Variants in HNRNPLL observed in about 807,000 individuals in gnomAD.
HNRNPLL encodes heterogeneous nuclear ribonucleoprotein L like.
A neutral mutation model predicts 67.1 loss-of-function variants in HNRNPLL; 25 were observed. The ratio of observed to expected loss-of-function variants is 0.37; its 90% CI spans 0.27 to 0.52. HNRNPLL has a LOEUF of 0.52. HNRNPLL is among the 20% of genes least tolerant of loss of function. The pLI is 0.90. For synonymous variants in HNRNPLL, 267 were observed against 241.7 expected, an observed-to-expected ratio of 1.10 and a Z score of -0.97; for missense variants, 542 against 673.9, an observed-to-expected ratio of 0.80 and a Z score of 2.17.
rs760814807 is a variant in HNRNPLL, at chr2:38,569,172, A to G, written c.1377T>C (p.Tyr459=). Residue 459 remains tyrosine, a synonymous_variant, in exon 10 of 13, where the codon TAT becomes TAC. Coordinates refer to ENST00000449105, the MANE Select transcript of HNRNPLL (RefSeq NM_138394.4). The part of the protein sequence containing the change: ...IQPPSCVLHY[Y]NVPLCVTEET... ...CTTCTGTGACACACAATGGAACATT[A>G]TAATAATGCAAAACACAGGAGGGTG... 1 of 1,612,928 alleles carries G rather than the reference A, an allele frequency of 6.2e-7. No homozygotes were observed. Among genetic ancestry groups the G allele is most frequent in the East Asian group, 2.2e-5 (1 of 44,854 alleles).
chr2:38,601,743 A>G (rs964234035), intron 1 of HNRNPLL: 2 of 152,160 alleles, frequency 1.3e-5, no homozygotes, highest in Non-Finnish European at 2.9e-5. Flanking sequence ...TAATTTTAAG[A>G]TTTGTTTTAC....
At chr2:38,595,566 C>T (rs553745212) in intron 1 of HNRNPLL, among the ~76,000 whole-genome samples, 10 of 152,218 alleles carry the variant, frequency 6.6e-5, no homozygotes, top group South Asian at 2.1e-4. Context: ...CAATGTGGGC[C>T]GGGCGCAGTG....
Position 38,581,923 on chromosome 2 carries a change from C to A in HNRNPLL, c.792G>T (p.Leu264Phe), listed in dbSNP as rs1181435907. 6.2e-7 allele frequency: 1 copy of A among 1,608,714 alleles called. No individual in the cohort carries two copies. Among genetic ancestry groups the A allele is most frequent in the Non-Finnish European group, 8.5e-7 (1 of 1,175,232 alleles). The change falls in exon 6 of 13, where the codon TTG becomes TTT. Residue 264 changes from leucine (L) to phenylalanine (F), a missense_variant. Physicochemically the swap from Leu to Phe is conservative, Grantham distance 22. Transcript: ENST00000449105. ...NDSWDYTKPY[L>F]GRRDRGKGRQ... is the part of the protein sequence containing the mutation. ...GTATAAAATACCTACCTCGTCTTCC[C>A]AAATATGGTTTAGTGTAGTCCCAAC... is the stretch of plus-strand genomic sequence containing the variant.
At chr2:38,568,476 T>G (rs755767367) in intron 10 of HNRNPLL, 33 bp from the exon 11 acceptor site, 2 of 1,414,546 alleles carry the variant, frequency 1.4e-6, no homozygotes, top group Admixed American at 2.1e-5. Context: ...ATTAAAAATA[T>G]AGCCAAAATA....
At chr2:38,579,489 G>A (rs116137003) in intron 6 of HNRNPLL, among the ~76,000 whole-genome samples, 2,551 of 152,008 alleles carry the variant, frequency 0.017, 66 homozygotes, top group African/African-American at 0.059. Context: ...AACAGGTCAC[G>A]TAAAACAGAA....
chr2:38,577,926 C>G, intron 6 of HNRNPLL: 1 of 472,578 alleles, frequency 2.1e-6, no homozygotes, highest in Non-Finnish European at 4.4e-6. Flanking sequence ...GTACCTGAAT[C>G]ATACTATTAG....
At chr2:38,570,048 A>C (rs532774832) in intron 8 of HNRNPLL, 123 bp from the exon 9 acceptor site, 1 of 666,762 alleles carries the variant, frequency 1.5e-6, no homozygotes, top group African/African-American at 1.8e-5. Context: ...GATTTTAACT[A>C]TACTCTGCCA....
intron 6 of HNRNPLL, 113 bp downstream of exon 6, chr2:38,581,797 TTCA>T (rs1666537930): frequency 1.4e-6 from 1 of 719,378 alleles, no homozygotes; most frequent in Non-Finnish European, 2.4e-6. Context: ...AACAAAAGCA[TTCA>T]TCAACAAGGT....
At chr2:38,587,436 G>C (rs1294814541) in intron 2 of HNRNPLL, among the ~76,000 whole-genome samples, 1 of 152,036 alleles carries the variant, frequency 6.6e-6, no homozygotes, top group Non-Finnish European at 1.5e-5. Context: ...GCATATATTT[G>C]TTAATCTAGG....
intron 2 of HNRNPLL, among the ~76,000 whole-genome samples, chr2:38,588,796 AC>A (rs1666841261): frequency 6.6e-6 from 1 of 152,122 alleles, no homozygotes; most frequent in African/African-American, 2.4e-5. Context: ...AGTCCCAGCT[AC>A]TCAGGAAGCT....
At chr2:38,569,653 C>T (rs1665994909) in intron 9 of HNRNPLL, 151 bp downstream of exon 9, 1 of 535,608 alleles carries the variant, frequency 1.9e-6, no homozygotes, top group African/African-American at 1.9e-5. Flanking sequence ...ACGACCCTAA[C>T]TCTTGTCTAA....
rs912329727 is a variant in HNRNPLL at position 38,602,815 on chromosome 2, G to C, written c.-189C>G. 3 of 1,544,814 alleles carry C rather than the reference G, an allele frequency of 1.9e-6. No homozygotes were observed. The East Asian group carries it at 7.5e-5, about 39-fold the overall frequency. ...GAAGCGCGGACGGACTGAGGGGGGC[G>C]CCCCGGGAGGAAGCTCTGGAGCGGC... is the stretch of plus-strand genomic sequence containing the variant. On this transcript the variant is annotated 5_prime_UTR_variant, in exon 1 of 13. Coordinates refer to ENST00000449105, the MANE Select transcript of HNRNPLL (RefSeq NM_138394.4).
chr2:38,567,100 TG>T (rs1348386048), intron 12 of HNRNPLL, among the ~76,000 whole-genome samples: 1 of 151,728 alleles, frequency 6.6e-6, no homozygotes, highest in African/African-American at 2.4e-5. Flanking sequence ...AGAATCATTT[TG>T]TTTTTTTATT....
Position 38,563,333 on chromosome 2 carries a change from T to C in HNRNPLL, c.*849A>G, listed in dbSNP as rs1665731320. 6.6e-6 allele frequency: 1 copy of C among 152,020 alleles called. No homozygotes were observed. Among genetic ancestry groups the C allele is most frequent in the Admixed American group, 6.5e-5 (1 of 15,268 alleles). 9.4% of individuals were successfully genotyped at this position (152,020 alleles called of 1,614,324 possible). A position where few individuals can be genotyped will look rare whatever the true frequency, so the allele number is the denominator to read the frequency against. On this transcript the variant is annotated 3_prime_UTR_variant, in exon 13 of 13. Coordinates refer to ENST00000449105, the MANE Select transcript of HNRNPLL (RefSeq NM_138394.4). The stretch of plus-strand genomic sequence containing the variant: ...AAGAGTTAAAAAATAAAAATGTAAA[T>C]ATCCAAAATTCTACATACAATTTTA...
At chr2:38,599,461 A>G (rs1317280221) in intron 1 of HNRNPLL, among the ~76,000 whole-genome samples, 1 of 152,208 alleles carries the variant, frequency 6.6e-6, no homozygotes, top group Non-Finnish European at 1.5e-5. Context: ...AAATTTAAGA[A>G]CACTACTCCA....
intron 4 of HNRNPLL, 75 bp from the exon 5 acceptor site, chr2:38,582,243 A>G (rs747984444): frequency 7.8e-5 from 74 of 948,482 alleles, no homozygotes; most frequent in Non-Finnish European, 1.2e-4. Context: ...GACAGGATTG[A>G]AAATAATCAG....
At chr2:38,601,586 CA>C (rs1046442795) in intron 1 of HNRNPLL, 1 of 152,208 alleles carries the variant, frequency 6.6e-6, no homozygotes, top group Non-Finnish European at 1.5e-5. Context: ...TTGCTGTGGA[CA>C]AAATGATCAC....
At chr2:38,595,184 G>A (rs1049191384) in intron 1 of HNRNPLL, among the ~76,000 whole-genome samples, 7 of 149,566 alleles carry the variant, frequency 4.7e-5, no homozygotes, top group Admixed American at 4.0e-4. Context: ...GGAGGCTGAG[G>A]TGGAAGGACT....
At chr2:38,588,546 C>CAAAAAAAAAGAAA (rs71402238) in intron 2 of HNRNPLL, among the ~76,000 whole-genome samples, 5 of 51,018 alleles carry the variant, frequency 9.8e-5, no homozygotes, top group Admixed American at 2.4e-4. Flanking sequence ...AACTCCATCT[C>CAAAAAAAAAGAAA]AAAAAAAAAA....
Sources: allele counts gnomAD v4.1 joint callset (sites outside exome capture counted in the v4.1 genomes callset), GRCh38; gene constraint gnomAD v4.1.1; transcripts MANE v1.5; gene names NCBI Gene and HGNC (gene_info 2026-07-23, HGNC 2026-07-21).